ECT2L: variants seen among roughly 807,000 people sequenced by gnomAD.
ECT2L encodes epithelial cell-transforming sequence 2 oncogene-like.
Under a neutral mutation model 122.8 loss-of-function variants are expected in ECT2L, and 126 were observed. The observed-to-expected ratio is 1.03, with a 90% CI of 0.89 to 1.19. The LOEUF (loss-of-function observed/expected upper bound fraction) is 1.19, where lower values mean the gene tolerates loss of function less well. Among genes scored for constraint, ECT2L ranks in the 50% most tolerant of loss-of-function variants. ECT2L has a pLI of 0.00. For missense variants in ECT2L, 1,012 were observed against 1,064.1 expected (o/e 0.95, Z 0.68); for synonymous variants, 385 against 381.8 (o/e 1.01, Z -0.10).
chr6:138,859,989 A>AT (rs752019758), intron 10 of ECT2L, among the ~76,000 whole-genome samples: 2 of 151,892 alleles, frequency 1.3e-5, no homozygotes, highest in Non-Finnish European at 2.9e-5. Context: ...TGCCCGGCTA[A>AT]TTTTTTAATA....
chr6:138,825,753 TTCAG>T (rs1411648246), intron 4 of ECT2L, among the ~76,000 whole-genome samples: 1 of 152,154 alleles, frequency 6.6e-6, no homozygotes, highest in African/African-American at 2.4e-5. Flanking sequence ...TTAAAGAAAC[TTCAG>T]TCACTCTCCT....
chr6:138,811,009 G>T (rs1436796476), intron 1 of ECT2L, among the ~76,000 whole-genome samples: 1 of 152,228 alleles, frequency 6.6e-6, no homozygotes, highest in Non-Finnish European at 1.5e-5. Context: ...GTATTACTAT[G>T]CATGCTGTCA....
chr6:138,885,703 G>A lies in ECT2L; in HGVS notation c.2132G>A (p.Arg711Gln), dbSNP rs374967125. Residue 711 changes from arginine (R) to glutamine (Q), a missense_variant, in exon 18 of 22, where the codon CGA becomes CAA. Physicochemically the swap from Arg to Gln is conservative, Grantham distance 43 (BLOSUM62 1). Transcript: ENST00000541398. ...CCAGAGCTGCTGCTGTACCCATCCC[G>A]AAGATTTGAAGAATACCTTAATCTT... ...SLPELLLYPSRRFEEYLNLLY... is the reference protein window; with the variant it reads ...SLPELLLYPSQRFEEYLNLLY... 2.2e-5 allele frequency: 35 copies of A among 1,613,934 alleles called. No individual in the cohort carries two copies. The highest frequency in any genetic ancestry group is 5.0e-5 in the Admixed American group (3 of 59,982).
At position 138,849,319 on chromosome 6, in the gene ECT2L, C is replaced by G. The variant is rs553673341; in HGVS notation, c.954C>G (p.His318Gln). 13 of 1,613,860 alleles carry G rather than the reference C, an allele frequency of 8.1e-6. No homozygotes were observed. Among genetic ancestry groups the G allele is most frequent in the Non-Finnish European group, 1.1e-5 (13 of 1,180,004 alleles). ...GTGTTGTTTCTGTGGTATATGAACA[C>G]AGCGTAACCTTGGAAAGCCTTCTGT... ...KAGVVSVVYE[H>Q]SVTLESLLYL... is the part of the protein sequence containing the mutation. Residue 318 changes from histidine (H) to glutamine (Q), a missense_variant, in exon 9 of 22, where the codon CAC becomes CAG. Transcript: ENST00000541398.
At chr6:138,859,372 G>A (rs1049942590) in intron 10 of ECT2L, among the ~76,000 whole-genome samples, 17 of 152,088 alleles carry the variant, frequency 1.1e-4, no homozygotes, top group Non-Finnish European at 2.4e-4. Flanking sequence ...ATGAACTTAT[G>A]CTTTCATTTC....
chr6:138,844,379 A>C (rs1562469929), intron 6 of ECT2L, 33 bp from the exon 7 acceptor site: 1 of 1,605,516 alleles, frequency 6.2e-7, no homozygotes, highest in South Asian at 1.1e-5. Context: ...AGTATGAAGT[A>C]ATCAGCCCCG....
chr6:138,823,119 T>C (rs1733252312), intron 4 of ECT2L: 1 of 1,483,024 alleles, frequency 6.7e-7, no homozygotes, highest in Non-Finnish European at 9.2e-7. Flanking sequence ...AAACTTTGTC[T>C]CTGGAATGCA....
chr6:138,893,013 G>C (rs1236491735), intron 20 of ECT2L, among the ~76,000 whole-genome samples: 3 of 152,094 alleles, frequency 2.0e-5, no homozygotes, highest in Non-Finnish European at 4.4e-5. Flanking sequence ...AATAGGGTCT[G>C]AGCCTTACAG....
At chr6:138,897,291 C>T (rs935273600) in intron 20 of ECT2L, among the ~76,000 whole-genome samples, 8 of 151,650 alleles carry the variant, frequency 5.3e-5, no homozygotes, top group Non-Finnish European at 1.2e-4. Flanking sequence ...GGCCCCACAC[C>T]CATGGGTTCA....
chr6:138,893,022 A>G (rs909510330), intron 20 of ECT2L, among the ~76,000 whole-genome samples: 2 of 152,062 alleles, frequency 1.3e-5, no homozygotes, highest in African/African-American at 2.4e-5. Context: ...TGAGCCTTAC[A>G]GTTATTTTAG....
At chr6:138,864,625 G>A (rs983443774) in intron 11 of ECT2L, among the ~76,000 whole-genome samples, 7 of 152,202 alleles carry the variant, frequency 4.6e-5, no homozygotes, top group African/African-American at 1.2e-4. Context: ...TGGGGAAGCC[G>A]TGTAGCGTGG....
At chr6:138,796,612 T>A (rs1207591193) in intron 1 of ECT2L, among the ~76,000 whole-genome samples, 2 of 151,636 alleles carry the variant, frequency 1.3e-5, no homozygotes, top group Non-Finnish European at 2.9e-5. Context: ...GGGGCTGGGT[T>A]GGGGGAATGA....
intron 13 of ECT2L, among the ~76,000 whole-genome samples, chr6:138,875,862 T>C (rs912109105): frequency 6.6e-6 from 1 of 152,226 alleles, no homozygotes; most frequent in African/African-American, 2.4e-5. Flanking sequence ...GGCTCATGCC[T>C]GTAATCCCAG....
rs757434879 is a variant in ECT2L, at chr6:138,876,486, A to C, written c.1593A>C (p.Val531=). ...TCAATCTTCAGGAAAGAAATGTTGTAGAAGACAATTCTTGGGACACAAAGT... is the reference window on the plus strand; with the variant it reads ...TCAATCTTCAGGAAAGAAATGTTGTCGAAGACAATTCTTGGGACACAAAGT... ...LSKEDSERNV[V]EDNSWDTKSR... The change falls in exon 14 of 22, where the codon GTA becomes GTC. Residue 531 remains valine (V), a synonymous_variant. Transcript: ENST00000541398. 1.3e-5 allele frequency: 21 copies of C among 1,611,108 alleles called. No individual in the cohort carries two copies. The highest frequency in any genetic ancestry group is 1.8e-5 in the Non-Finnish European group (21 of 1,178,028).
At chr6:138,817,906 T>C (rs1054120355) in intron 4 of ECT2L, among the ~76,000 whole-genome samples, 1 of 152,148 alleles carries the variant, frequency 6.6e-6, no homozygotes, top group African/African-American at 2.4e-5. Context: ...TGGTTTCCAG[T>C]GATGTCTTTC....
intron 20 of ECT2L, among the ~76,000 whole-genome samples, chr6:138,896,735 C>T (rs1343580235): frequency 6.6e-6 from 1 of 152,150 alleles, no homozygotes; most frequent in Non-Finnish European, 1.5e-5. Flanking sequence ...GCAACCTCCG[C>T]CTCCTGGGTT....
chr6:138,862,548 G>A, intron 10 of ECT2L, 79 bp from the exon 11 acceptor site: 2 of 1,366,568 alleles, frequency 1.5e-6, no homozygotes, highest in Non-Finnish European at 1.0e-6. Context: ...GAGATTTGGA[G>A]GGAACAAATA....
At chr6:138,796,946 A>G (rs1212485037) in intron 1 of ECT2L, among the ~76,000 whole-genome samples, 1 of 152,218 alleles carries the variant, frequency 6.6e-6, no homozygotes, top group East Asian at 1.9e-4. Context: ...AGTGGGAGGA[A>G]GAAGGGTTAA....
rs139339120 is a variant in ECT2L, at chr6:138,852,944, C to A, written c.1070-1082C>A. ...TTTCAAACTCTGCCTTTTCCTCATT[C>A]TGGGTGTTTTTTGTTTGTTTGTTTA... is the stretch of plus-strand genomic sequence containing the variant. On this transcript the variant is annotated intron_variant, in intron 9 of 21. Coordinates refer to ENST00000541398, the MANE Select transcript of ECT2L (RefSeq NM_001077706.3). Among the ~76,000 whole-genome samples the A allele has an allele frequency of 1.5e-3, 225 of 152,078 alleles. 1 individual carries two copies. Among genetic ancestry groups the A allele is most frequent in the African/African-American group, 5.3e-3 (218 of 41,484 alleles).
Sources: gnomAD v4.1 joint callset for allele counts (sites outside exome capture counted in the v4.1 genomes callset) on GRCh38, gnomAD v4.1.1 for gene constraint, MANE v1.5 for transcripts, NCBI Gene and HGNC (gene_info 2026-07-23, HGNC 2026-07-21) for gene names.